The following ATP8A2 variants were observed in gnomAD, a reference collection of about 807,000 sequenced individuals.
ATP8A2 encodes the protein ATPase phospholipid transporting 8A2.
ATP8A2 carries 100 observed loss-of-function variants against 165.6 expected under a neutral mutation model. The observed-to-expected ratio is 0.60, with a 90% CI of 0.51 to 0.71. The LOEUF (loss-of-function observed/expected upper bound fraction) is 0.71, where lower values mean the gene tolerates loss of function less well. ATP8A2 is among the 30% of genes least tolerant of loss of function. The probability of loss-of-function intolerance (pLI) is 0.00; values close to 1 mark genes in which losing one functional copy is unlikely to be tolerated. For synonymous variants in ATP8A2, 543 were observed against 548.8 expected (o/e 0.99, Z 0.15); for missense variants, 1,227 against 1,479.5 (o/e 0.83, Z 2.80).
intron 35 of ATP8A2, among the ~76,000 whole-genome samples, chr13:26,010,616 A>AGGGAGCTGTGGACAGTCGGTGATGG (rs1166548228): frequency 1.2e-4 from 18 of 152,194 alleles, no homozygotes; most frequent in African/African-American, 4.1e-4. Context: ...CAGGCAGCAC[A>AGGGAGCTGTGGACAGTCGGTGATGG]GGGAGCTGTG....
intron 24 of ATP8A2, among the ~76,000 whole-genome samples, chr13:25,645,147 C>T (rs1456424405): frequency 1.3e-5 from 2 of 152,150 alleles, no homozygotes; most frequent in Non-Finnish European, 2.9e-5. Flanking sequence ...TACTGTTCCT[C>T]ATGGCTGGGG....
chr13:25,450,633 G>A (rs1239256186), intron 1 of ATP8A2, among the ~76,000 whole-genome samples: 3 of 152,210 alleles, frequency 2.0e-5, no homozygotes, highest in Non-Finnish European at 2.9e-5. Flanking sequence ...CCGGGTTCAC[G>A]CCATTCTCCT....
Position 25,758,681 on chromosome 13 carries a change from G to A in ATP8A2, c.2385-10365G>A, listed in dbSNP as rs143260247. Among the ~76,000 whole-genome samples the A allele has an allele frequency of 6.4e-4, 97 of 152,168 alleles. 1 individual carries two copies. Among genetic ancestry groups the A allele is most frequent in the African/African-American group, 1.7e-3 (70 of 41,490 alleles). On this transcript the variant is annotated intron_variant, in intron 25 of 36. Coordinates refer to ENST00000381655, the MANE Select transcript of ATP8A2 (RefSeq NM_016529.6). Reference sequence around the variant, plus strand: ...CCACCACCACATCTATCTGAAATCCGTTTGTCCATCTTTTCTCTGCCATTC... The same window carrying A: ...CCACCACCACATCTATCTGAAATCCATTTGTCCATCTTTTCTCTGCCATTC...
intron 25 of ATP8A2, among the ~76,000 whole-genome samples, chr13:25,768,287 G>A (rs562258599): frequency 5.9e-5 from 9 of 152,280 alleles, no homozygotes; most frequent in Non-Finnish European, 1.0e-4. Context: ...AGACCCCACA[G>A]ATTTATACTG....
intron 33 of ATP8A2, among the ~76,000 whole-genome samples, chr13:25,908,010 T>G (rs1259636771): frequency 6.6e-6 from 1 of 152,226 alleles, no homozygotes; most frequent in Non-Finnish European, 1.5e-5. Context: ...TGACTTATTT[T>G]AGATATTTTT....
intron 22 of ATP8A2, among the ~76,000 whole-genome samples, chr13:25,580,270 G>A (rs1299232254): frequency 6.6e-6 from 1 of 152,206 alleles, no homozygotes; most frequent in Non-Finnish European, 1.5e-5. Flanking sequence ...GGAGCAATCA[G>A]AATGCTGTGG....
At chr13:25,520,606 G>GTTTTTTTTTTTTTTTT (rs1252775040) in intron 2 of ATP8A2, among the ~76,000 whole-genome samples, 1 of 114,028 alleles carries the variant, frequency 8.8e-6, no homozygotes. Flanking sequence ...TTTTTTTTTT[G>GTTTTTTTTTTTTTTTT]TTTTTTTTTT....
At chr13:26,003,835 A>T (rs1341361744) in intron 35 of ATP8A2, among the ~76,000 whole-genome samples, 3 of 151,946 alleles carry the variant, frequency 2.0e-5, no homozygotes, top group Admixed American at 6.6e-5. Flanking sequence ...CCATAAATGT[A>T]CGGGTTTATT....
At chr13:25,847,001 G>A (rs2138691534) in intron 30 of ATP8A2, among the ~76,000 whole-genome samples, 1 of 152,310 alleles carries the variant, frequency 6.6e-6, no homozygotes, top group African/African-American at 2.4e-5. Flanking sequence ...GCTATGTGCA[G>A]CATGGAAAAG....
chr13:25,529,905 A>AC, intron 2 of ATP8A2, 94 bp from the exon 3 acceptor site: 1 of 674,346 alleles, frequency 1.5e-6, no homozygotes, highest in African/African-American at 1.8e-5. Flanking sequence ...TTTTTTTTAA[A>AC]CCATTTGTAA....
Position 25,966,661 on chromosome 13 carries a change from C to T in ATP8A2, c.3273-1914C>T, listed in dbSNP as rs185742106. Among the ~76,000 whole-genome samples the T allele has an allele frequency of 2.1e-3, 315 of 152,274 alleles. 4 individuals carry two copies. Among genetic ancestry groups the T allele is most frequent in the African/African-American group, 7.1e-3 (296 of 41,556 alleles). ...TTGCTGAGTAACTCTTGAATATGGG[C>T]GCAGTTTCATCCCCTGAGAGCACGC... On this transcript the variant is annotated intron_variant, in intron 34 of 36. Transcript: ENST00000381655.
intron 2 of ATP8A2, among the ~76,000 whole-genome samples, chr13:25,519,085 T>A (rs2037573680): frequency 1.3e-5 from 2 of 152,142 alleles, no homozygotes; most frequent in South Asian, 4.1e-4. Context: ...GGCTCTTTAC[T>A]CTCCCTCCTA....
chr13:25,706,646 C>T (rs555593665), intron 25 of ATP8A2, among the ~76,000 whole-genome samples: 29 of 152,264 alleles, frequency 1.9e-4, no homozygotes, highest in African/African-American at 7.0e-4. Flanking sequence ...TCCAATTGTA[C>T]ACTTGCACAA....
chr13:25,643,098 G>A (rs570539618), intron 24 of ATP8A2, among the ~76,000 whole-genome samples: 6 of 152,118 alleles, frequency 3.9e-5, no homozygotes, highest in African/African-American at 7.2e-5. Context: ...AGCATTAGGA[G>A]ATATACCTAA....
intron 24 of ATP8A2, among the ~76,000 whole-genome samples, chr13:25,600,197 T>A (rs756185210): frequency 6.6e-6 from 1 of 152,088 alleles, no homozygotes; most frequent in Non-Finnish European, 1.5e-5. Flanking sequence ...AACACAGACA[T>A]CCCCAAGGCT....
At chr13:25,567,004 A>G (rs1441615628) in intron 16 of ATP8A2, 5 of 223,224 alleles carry the variant, frequency 2.2e-5, no homozygotes, top group Non-Finnish European at 4.6e-5. Flanking sequence ...TGAGCAGTGT[A>G]TTTGCACTGA....
At chr13:25,536,574 C>T (rs2038293418) in intron 6 of ATP8A2, among the ~76,000 whole-genome samples, 1 of 152,116 alleles carries the variant, frequency 6.6e-6, no homozygotes, top group Non-Finnish European at 1.5e-5. Context: ...TGCCTTTTTC[C>T]CAACAGAAAA....
At chr13:25,648,888 C>T in intron 24 of ATP8A2, 4 of 398,786 alleles carry the variant, frequency 1.0e-5, no homozygotes, top group South Asian at 3.7e-5. Flanking sequence ...TGGTTGAATC[C>T]ACAGATGTGG....
chr13:25,688,325 T>C (rs880607), intron 24 of ATP8A2, among the ~76,000 whole-genome samples: 15,862 of 152,064 alleles, frequency 0.1, 949 homozygotes, highest in East Asian at 0.26. Flanking sequence ...AGCCCCAACC[T>C]GCCCCAAAGC....
Sources: allele counts gnomAD v4.1 joint callset (sites outside exome capture counted in the v4.1 genomes callset), GRCh38; gene constraint gnomAD v4.1.1; transcripts MANE v1.5; gene names NCBI Gene and HGNC (gene_info 2026-07-23, HGNC 2026-07-21).